The following LIPI variants were observed in gnomAD, a reference collection of about 807,000 sequenced individuals.
LIPI encodes the protein lipase member I.
In LIPI, 59 loss-of-function variants were observed where a neutral mutation model predicts 50.6. The observed-to-expected ratio is 1.16, with a 90% CI of 0.94 to 1.45. The LOEUF is 1.45. LIPI is among the 40% of genes most tolerant of loss of function. The pLI is 0.00. For missense variants in LIPI, 586 were observed against 536.3 expected, an observed-to-expected ratio of 1.09 and a Z score of -0.92; for synonymous variants, 203 against 178.2, an observed-to-expected ratio of 1.14 and a Z score of -1.11.
chr21:14,156,379 T>G (rs1005695979), intron 7 of LIPI, among the ~76,000 whole-genome samples: 4 of 151,686 alleles, frequency 2.6e-5, no homozygotes, highest in Non-Finnish European at 5.9e-5. Context: ...GTCAAAATGA[T>G]ATAATATGAA....
chr21:14,182,778 C>A (rs2019316915), intron 3 of LIPI, among the ~76,000 whole-genome samples: 4 of 151,894 alleles, frequency 2.6e-5, no homozygotes, highest in African/African-American at 9.7e-5. Context: ...ATCCAACTTA[C>A]AAGGGATGTG....
At chr21:14,200,363 T>TTAAATTAATATATCAATTTAA (rs1397356523) in intron 1 of LIPI, among the ~76,000 whole-genome samples, 7 of 151,984 alleles carry the variant, frequency 4.6e-5, no homozygotes, top group Non-Finnish European at 7.4e-5. Flanking sequence ...CTATAGTCTC[T>TTAAATTAATATATCAATTTAA]GCCCAAATGC....
intron 9 of LIPI, among the ~76,000 whole-genome samples, chr21:14,121,394 C>T (rs979638454): frequency 1.1e-4 from 16 of 152,092 alleles, no homozygotes; most frequent in African/African-American, 3.9e-4. Context: ...TCAGGTGTAC[C>T]CCTACTACAT....
At chr21:14,185,365 A>G (rs1477670471) in intron 3 of LIPI, among the ~76,000 whole-genome samples, 3 of 152,160 alleles carry the variant, frequency 2.0e-5, no homozygotes, top group African/African-American at 7.2e-5. Flanking sequence ...AATGAGTCAT[A>G]TTTACTTCTG....
At chr21:14,167,317 C>T (rs1278739531) in intron 4 of LIPI, among the ~76,000 whole-genome samples, 2 of 152,220 alleles carry the variant, frequency 1.3e-5, no homozygotes, top group Non-Finnish European at 2.9e-5. Context: ...GCAGTAACCT[C>T]TGCAGACTTA....
At chr21:14,113,761 A>T (rs2016507833) in intron 9 of LIPI, among the ~76,000 whole-genome samples, 1 of 152,322 alleles carries the variant, frequency 6.6e-6, no homozygotes, top group East Asian at 1.9e-4. Flanking sequence ...TAAAGGAAAG[A>T]GGTGTAATTG....
intron 8 of LIPI, among the ~76,000 whole-genome samples, chr21:14,151,770 T>C (rs1252988315): frequency 1.3e-5 from 2 of 152,124 alleles, no homozygotes; most frequent in East Asian, 3.8e-4. Context: ...TTCTTTTATA[T>C]AATTATATAA....
At position 14,189,417 on chromosome 21, in the gene LIPI, T is replaced by C; in HGVS notation, c.49A>G (p.Asn17Asp). The change falls in exon 2 of 10, where the codon AAT becomes GAT. Residue 17 changes from asparagine (N) to aspartate (D), a missense_variant and splice_region_variant. Physicochemically the swap from Asn to Asp is conservative, Grantham distance 23. Transcript: ENST00000681601. ...GAGAATTCAAGGCATGGTCTTTTAT[T>C]ATCTGAAATAAGAAAATGTCAGTCA... ...LCLMCWVRSD[N>D]KRPCLEFSQL... The C allele has an allele frequency of 1.2e-6, 2 of 1,612,066 alleles. No homozygotes were observed. Among genetic ancestry groups the C allele is most frequent in the Non-Finnish European group, 1.7e-6 (2 of 1,178,422 alleles).
intron 7 of LIPI, among the ~76,000 whole-genome samples, chr21:14,153,506 C>T (rs555970700): frequency 2.0e-5 from 3 of 152,264 alleles, no homozygotes; most frequent in South Asian, 4.1e-4. Context: ...GATTAAGCCA[C>T]CCTCCCACTA....
intron 4 of LIPI, among the ~76,000 whole-genome samples, chr21:14,175,024 C>T (rs1247626373): frequency 6.6e-6 from 1 of 152,138 alleles, no homozygotes; most frequent in Non-Finnish European, 1.5e-5. Context: ...TAAAAACAGT[C>T]ATTTATTGTC....
chr21:14,124,675 A>T lies in LIPI; in HGVS notation c.1296-15595T>A, dbSNP rs568980614. Among the ~76,000 whole-genome samples, 530 of 152,372 alleles carry T rather than the reference A, an allele frequency of 3.5e-3. 4 individuals are homozygous for T. The highest frequency in any genetic ancestry group is 6.1e-3 in the Non-Finnish European group (416 of 68,040). ...AGTAGCTCCCGGACACTGACAGCTT[A>T]AAAGGTGGCTGCTTTCTTTGTCCGG... On this transcript the variant is annotated intron_variant, in intron 9 of 9. Coordinates refer to ENST00000681601, the MANE Select transcript of LIPI (RefSeq NM_001302998.2).
rs147553078 is a variant in LIPI at position 14,160,337 on chromosome 21, T to C, written c.1006+3082A>G. ...AAAATACAGACCCAACACAAATAGG[T>C]ACAAACATATGTCAATAAACATATC... On this transcript the variant is annotated intron_variant, in intron 7 of 9. Transcript: ENST00000681601. Among the ~76,000 whole-genome samples the C allele has an allele frequency of 7.6e-3, 1,156 of 151,208 alleles. 12 individuals carry two copies. Among genetic ancestry groups the C allele is most frequent in the African/African-American group, 0.018 (741 of 41,398 alleles).
intron 3 of LIPI, among the ~76,000 whole-genome samples, chr21:14,183,371 C>T (rs1433906589): frequency 6.6e-6 from 1 of 152,032 alleles, no homozygotes; most frequent in Non-Finnish European, 1.5e-5. Flanking sequence ...CGATAAAAAC[C>T]CTAGAAGAAA....
chr21:14,206,489 A>G (rs1314444116), intron 1 of LIPI, among the ~76,000 whole-genome samples: 1 of 152,142 alleles, frequency 6.6e-6, no homozygotes, highest in African/African-American at 2.4e-5. Flanking sequence ...GAACAAAAGA[A>G]CCACTAGTTT....
At chr21:14,135,409 A>T (rs556299344) in intron 9 of LIPI, among the ~76,000 whole-genome samples, 109 of 152,270 alleles carry the variant, frequency 7.2e-4, no homozygotes, top group African/African-American at 2.6e-3. Context: ...AATTGAGGAG[A>T]TAGAAAAATC....
At chr21:14,197,529 G>C (rs9983840) in intron 1 of LIPI, among the ~76,000 whole-genome samples, 40,354 of 151,722 alleles carry the variant, frequency 0.27, 5,577 homozygotes, top group Middle Eastern at 0.34. Context: ...CTCCGGGTTA[G>C]ATTCTTTCTG....
At chr21:14,115,773 G>A (rs1354788012) in intron 9 of LIPI, among the ~76,000 whole-genome samples, 1 of 152,134 alleles carries the variant, frequency 6.6e-6, no homozygotes, top group Non-Finnish European at 1.5e-5. Context: ...GGTAAGGTTG[G>A]TCCCTAGGGA....
intron 7 of LIPI, among the ~76,000 whole-genome samples, chr21:14,154,209 T>C (rs1382768660): frequency 6.6e-6 from 1 of 151,862 alleles, no homozygotes; most frequent in Non-Finnish European, 1.5e-5. Context: ...GATGAAATGA[T>C]AGATTATCTT....
chr21:14,165,185 T>G (rs2018631785), intron 6 of LIPI, 38 bp downstream of exon 6: 1 of 1,456,540 alleles, frequency 6.9e-7, no homozygotes, highest in Non-Finnish European at 9.6e-7. Flanking sequence ...TTATTCATAT[T>G]AAATAAGAAT....
Sources: allele counts gnomAD v4.1 joint callset (sites outside exome capture counted in the v4.1 genomes callset), GRCh38; gene constraint gnomAD v4.1.1; transcripts MANE v1.5; gene names NCBI Gene and HGNC (gene_info 2026-07-23, HGNC 2026-07-21).